IL20RA: variants seen among roughly 807,000 people sequenced by gnomAD.
The protein encoded by IL20RA is interleukin-20 receptor subunit alpha.
In IL20RA, 29 loss-of-function variants were observed where a neutral mutation model predicts 36.5. That is an observed-to-expected ratio of 0.79 (90% CI 0.59 to 1.08). The LOEUF is 1.08. IL20RA is among the 50% of genes least tolerant of loss of function. The probability of loss-of-function intolerance (pLI) is 0.00; values close to 1 mark genes in which losing one functional copy is unlikely to be tolerated. For missense variants in IL20RA, 652 were observed against 668.4 expected, an observed-to-expected ratio of 0.98 and a Z score of 0.27; for synonymous variants, 279 against 267.1, an observed-to-expected ratio of 1.04 and a Z score of -0.43.
chr6:137,000,069 A>G lies in IL20RA; in HGVS notation c.*1489T>C, dbSNP rs1774973398. 1 of 152,230 alleles carries G rather than the reference A, an allele frequency of 6.6e-6. No individual in the cohort carries two copies. 9.4% of individuals were successfully genotyped at this position (152,230 alleles called of 1,614,324 possible). A position where few individuals can be genotyped will look rare whatever the true frequency, so the allele number is the denominator to read the frequency against. ...AGTTAGTGTAATACATCTGTTCTTC[A>G]AAACCAGCAGAATCGTTTCTATAAA... is the stretch of plus-strand genomic sequence containing the variant. On this transcript the variant is annotated 3_prime_UTR_variant, in exon 7 of 7. Transcript: ENST00000316649.
At chr6:137,011,809 C>A (rs529865938) in intron 2 of IL20RA, among the ~76,000 whole-genome samples, 1 of 152,132 alleles carries the variant, frequency 6.6e-6, no homozygotes. Flanking sequence ...ACTATGTACA[C>A]GAGGTCAGTT....
Position 137,004,665 on chromosome 6 carries a change from A to C in IL20RA, c.820T>G (p.Tyr274Asp). The change falls in exon 6 of 7, where the codon TAC (tyrosine) becomes GAC (aspartate). Residue 274 changes from tyrosine (Y) to aspartate (D), a missense_variant. Physicochemically the swap from Tyr to Asp is radical, Grantham distance 160 (BLOSUM62 -3). Coordinates refer to ENST00000316649, the MANE Select transcript of IL20RA (RefSeq NM_014432.4). ...TCTTTGCCAACGTGGATATATCGGT[A>C]GATGGAATAGCCCATCACAGAAAAA... ...FLFSVMGYSI[Y>D]RYIHVGKEKH... The C allele has an allele frequency of 6.2e-7, 1 of 1,613,732 alleles. No homozygotes were observed. Among genetic ancestry groups the C allele is most frequent in the Non-Finnish European group, 8.5e-7 (1 of 1,179,844 alleles).
intron 6 of IL20RA, 75 bp downstream of exon 6, chr6:137,004,546 G>C: frequency 7.3e-7 from 1 of 1,372,686 alleles, no homozygotes; most frequent in Non-Finnish European, 1.0e-6. Flanking sequence ...AACTGAATCT[G>C]TTCTAGAACC....
chr6:137,008,644 G>C lies in IL20RA; in HGVS notation c.679C>G (p.Arg227Gly). 1.2e-6 allele frequency: 2 copies of C among 1,606,578 alleles called. No individual in the cohort carries two copies. The highest frequency in any genetic ancestry group is 2.3e-5 in the South Asian group (2 of 88,674). Residue 227 changes from arginine to glycine, a missense_variant, in exon 5 of 7, where the codon CGC becomes GGC. Physicochemically the swap from Arg to Gly is moderately radical, Grantham distance 125. Coordinates refer to ENST00000316649, the MANE Select transcript of IL20RA (RefSeq NM_014432.4). ...TGCTTCTCAGAAGGCTGAGCACGGC[G>C]AGGGGGCCCTGGGACGAAGGACTCC... is the stretch of plus-strand genomic sequence containing the variant. ...HVESFVPGPP[R>G]RAQPSEKQCA...
chr6:137,041,564 T>G (rs560851842), intron 1 of IL20RA, among the ~76,000 whole-genome samples: 19 of 152,310 alleles, frequency 1.2e-4, no homozygotes, highest in African/African-American at 4.3e-4. Flanking sequence ...TATGTGTGTG[T>G]GTGAGTGAAG....
intron 1 of IL20RA, among the ~76,000 whole-genome samples, chr6:137,032,386 C>CAGAAATCATG (rs1287484166): frequency 6.6e-6 from 1 of 152,176 alleles, no homozygotes; most frequent in Admixed American, 6.5e-5. Flanking sequence ...CTCTGGGCCT[C>CAGAAATCATG]AGAAATCATG....
In IL20RA at chr6:137,009,385, A is replaced by C; in HGVS notation, c.511T>G (p.Ser171Ala). The stretch of plus-strand genomic sequence containing the variant: ...AGATTGGAGTATATTTGTTGCATGG[A>C]AACAGGAAGGTCTTCTGGATTTCTC... Reference protein sequence around the residue: ...WKRNPEDLPVSMQQIYSNLKY... With the variant: ...WKRNPEDLPVAMQQIYSNLKY... The change falls in exon 4 of 7, where the codon TCC becomes GCC. Residue 171 changes from serine (S) to alanine (A), a missense_variant. Transcript: ENST00000316649. 6.2e-7 allele frequency: 1 copy of C among 1,613,162 alleles called. No individual in the cohort carries two copies. The highest frequency in any genetic ancestry group is 1.1e-5 in the South Asian group (1 of 91,064).
intron 1 of IL20RA, among the ~76,000 whole-genome samples, chr6:137,034,225 G>T (rs1373569614): frequency 6.6e-6 from 1 of 151,956 alleles, no homozygotes; most frequent in Non-Finnish European, 1.5e-5. Context: ...ATGGGATTTT[G>T]CTATTATTGG....
At chr6:137,007,679 G>A (rs1038843524) in intron 5 of IL20RA, among the ~76,000 whole-genome samples, 5 of 152,092 alleles carry the variant, frequency 3.3e-5, no homozygotes, top group Admixed American at 2.0e-4. Flanking sequence ...CTCCAATCAC[G>A]GTTCCTTGGC....
At position 137,009,428 on chromosome 6, in the gene IL20RA, T is replaced by C. The variant is rs201864884; in HGVS notation, c.468A>G (p.Thr156=). 33 of 1,612,918 alleles carry C rather than the reference T, an allele frequency of 2.0e-5. No homozygotes were observed. The African/African-American group carries it at 2.1e-4, about 10-fold the overall frequency. The change falls in exon 4 of 7, where the codon ACA becomes ACG. Residue 156 remains threonine (T), a synonymous_variant. Transcript: ENST00000316649. ...GATTTCTCTTCCACTTCTCTGGAGCTGTCAGGACAACAGAAATGGACTTCT... is the reference window on the plus strand; with the variant it reads ...GATTTCTCTTCCACTTCTCTGGAGCCGTCAGGACAACAGAAATGGACTTCT... ...TDEKSISVVL[T]APEKWKRNPE...
chr6:137,020,445 C>T (rs1314015744), intron 1 of IL20RA, among the ~76,000 whole-genome samples: 2 of 141,398 alleles, frequency 1.4e-5, no homozygotes, highest in East Asian at 4.4e-4. Flanking sequence ...ATGAATACAA[C>T]AATGATTCTA....
chr6:137,017,098 A>G lies in IL20RA; in HGVS notation c.94T>C (p.Cys32Arg). Residue 32 changes from cysteine (C) to arginine (R), a missense_variant, in exon 2 of 7, where the codon TGT becomes CGT. Physicochemically the swap from Cys to Arg is radical, Grantham distance 180. Coordinates refer to ENST00000316649, the MANE Select transcript of IL20RA (RefSeq NM_014432.4). Reference protein sequence around the residue: ...LAAPWGRAVPCVSGGLPKPAN... With the variant: ...LAAPWGRAVPRVSGGLPKPAN... Reference sequence around the variant, plus strand: ...GGTTTAGGCAAACCACCAGAGACACAGGGAACTGAAAAAGGAGCAGAAAGG... The same window carrying G: ...GGTTTAGGCAAACCACCAGAGACACGGGGAACTGAAAAAGGAGCAGAAAGG... The G allele has an allele frequency of 6.2e-7, 1 of 1,612,160 alleles. No homozygotes were observed. Among genetic ancestry groups the G allele is most frequent in the Non-Finnish European group, 8.5e-7 (1 of 1,179,244 alleles).
intron 5 of IL20RA, among the ~76,000 whole-genome samples, chr6:137,008,203 C>A (rs1167194119): frequency 6.6e-6 from 1 of 152,112 alleles, no homozygotes; most frequent in Non-Finnish European, 1.5e-5. Context: ...GGGCTCAAGC[C>A]ATCCTCCCTC....
chr6:137,011,468 C>T lies in IL20RA; in HGVS notation c.225-16G>A. The T allele has an allele frequency of 6.3e-7, 1 of 1,590,102 alleles. No individual in the cohort carries two copies. The highest frequency in any genetic ancestry group is 8.6e-7 in the Non-Finnish European group (1 of 1,163,696). On this transcript the variant is annotated splice_polypyrimidine_tract_variant and intron_variant, in intron 2 of 6. Coordinates refer to ENST00000316649, the MANE Select transcript of IL20RA (RefSeq NM_014432.4). ...TTGCCCATATCTGCTAAGAAAGAAG[C>T]TGAATTAATAATGAGGTGCCCTCTA...
At chr6:137,042,753 TA>T (rs1369164418) in intron 1 of IL20RA, 2 of 152,146 alleles carry the variant, frequency 1.3e-5, no homozygotes, top group Non-Finnish European at 2.9e-5. Context: ...TTTAGAAGTT[TA>T]AAAAATGAGA....
chr6:137,041,269 C>A (rs892468735), intron 1 of IL20RA, among the ~76,000 whole-genome samples: 3 of 152,138 alleles, frequency 2.0e-5, no homozygotes, highest in Non-Finnish European at 4.4e-5. Flanking sequence ...TGGACTGGAT[C>A]CCGAAACAGA....
intron 1 of IL20RA, among the ~76,000 whole-genome samples, chr6:137,019,899 T>C (rs1254799861): frequency 6.6e-6 from 1 of 152,234 alleles, no homozygotes; most frequent in East Asian, 1.9e-4. Context: ...GTAAATCTTA[T>C]CTATCACCAT....
At chr6:137,015,967 A>G (rs532954930) in intron 2 of IL20RA, among the ~76,000 whole-genome samples, 52 of 152,272 alleles carry the variant, frequency 3.4e-4, no homozygotes, top group Non-Finnish European at 3.5e-4. Context: ...AATGCTCTCC[A>G]TAATTTTAAA....
At chr6:137,034,842 G>A (rs969773231) in intron 1 of IL20RA, among the ~76,000 whole-genome samples, 2 of 151,930 alleles carry the variant, frequency 1.3e-5, no homozygotes, top group African/African-American at 2.4e-5. Flanking sequence ...CTACTTGGGA[G>A]GCTGAGGCAG....
Sources: gnomAD v4.1 joint callset for allele counts (sites outside exome capture counted in the v4.1 genomes callset) on GRCh38, gnomAD v4.1.1 for gene constraint, MANE v1.5 for transcripts, NCBI Gene and HGNC (gene_info 2026-07-23, HGNC 2026-07-21) for gene names.